THSD7A: variants seen among roughly 807,000 people sequenced by gnomAD.
The protein encoded by THSD7A is thrombospondin type-1 domain-containing protein 7A.
A neutral mutation model predicts 231.3 loss-of-function variants in THSD7A; 96 were observed. That is an observed-to-expected ratio of 0.41 (90% CI 0.35 to 0.49). The LOEUF is 0.49. Among genes scored for constraint, THSD7A ranks in the 20% least tolerant of loss-of-function variants. The pLI, the probability that THSD7A is intolerant of heterozygous loss-of-function variation, is 0.05. For synonymous variants in THSD7A, 940 were observed against 743.3 expected, an observed-to-expected ratio of 1.26 and a Z score of -4.30; for missense variants, 2,290 against 2,070.2, an observed-to-expected ratio of 1.11 and a Z score of -2.06.
At chr7:11,600,037 G>A (rs1166728500) in intron 2 of THSD7A, among the ~76,000 whole-genome samples, 5 of 151,894 alleles carry the variant, frequency 3.3e-5, no homozygotes, top group South Asian at 2.1e-4. Context: ...TTTGGGACTC[G>A]GACTGGCTCT....
intron 6 of THSD7A, among the ~76,000 whole-genome samples, chr7:11,504,060 A>C (rs964474538): frequency 1.3e-5 from 2 of 152,232 alleles, no homozygotes; most frequent in Admixed American, 1.3e-4. Context: ...GAATCAACAT[A>C]AATTCCCATC....
At chr7:11,533,356 G>C (rs1788782708) in intron 6 of THSD7A, among the ~76,000 whole-genome samples, 1 of 151,996 alleles carries the variant, frequency 6.6e-6, no homozygotes, top group African/African-American at 2.4e-5. Context: ...AGAAAACAGT[G>C]GACTAGGAAA....
chr7:11,392,425 C>A (rs1047062402), intron 23 of THSD7A, among the ~76,000 whole-genome samples: 2 of 152,184 alleles, frequency 1.3e-5, no homozygotes, highest in African/African-American at 4.8e-5. Flanking sequence ...ACCACCAGGG[C>A]CTTGGGTTTC....
chr7:11,554,468 G>A (rs1045732308), intron 4 of THSD7A, among the ~76,000 whole-genome samples: 2 of 152,004 alleles, frequency 1.3e-5, no homozygotes, highest in African/African-American at 2.4e-5. Flanking sequence ...TTATTAAGAT[G>A]AGGATGTTCT....
chr7:11,379,378 TG>T, intron 25 of THSD7A, 98 bp from the exon 26 acceptor site: 2 of 1,198,286 alleles, frequency 1.7e-6, no homozygotes, highest in Middle Eastern at 2.0e-4. Flanking sequence ...AGGTTTGTTT[TG>T]GGAATTACTA....
intron 22 of THSD7A, among the ~76,000 whole-genome samples, chr7:11,402,288 T>C (rs1783433140): frequency 6.6e-6 from 1 of 152,220 alleles, no homozygotes; most frequent in Non-Finnish European, 1.5e-5. Flanking sequence ...CCTACTATCA[T>C]TCTTGTCATT....
chr7:11,689,811 T>TAA (rs35668623), intron 1 of THSD7A, among the ~76,000 whole-genome samples: 21,243 of 129,300 alleles, frequency 0.16, 1,801 homozygotes, highest in Admixed American at 0.21. Context: ...TGGAATTAGT[T>TAA]AAAAAAAAAA....
chr7:11,641,462 TAAAGTTTGCTTAGATAACTAAGAA>T (rs1782078048), intron 1 of THSD7A, among the ~76,000 whole-genome samples: 1 of 152,174 alleles, frequency 6.6e-6, no homozygotes, highest in Non-Finnish European at 1.5e-5. Flanking sequence ...CAAGAGTTTC[TAAAGTTTGCTTAGATAACTAAGAA>T]AAGCATATGT....
At chr7:11,675,030 G>T (rs990265300) in intron 1 of THSD7A, among the ~76,000 whole-genome samples, 2 of 152,184 alleles carry the variant, frequency 1.3e-5, no homozygotes, top group South Asian at 4.1e-4. Context: ...AGACCAACAC[G>T]GAAGGTGGGT....
rs991504591 is a variant in THSD7A at position 11,831,901 on chromosome 7, C to T, written c.46G>A (p.Ala16Thr). 6 of 1,239,996 alleles carry T rather than the reference C, an allele frequency of 4.8e-6. No individual in the cohort carries two copies. Among genetic ancestry groups the T allele is most frequent in the African/African-American group, 1.6e-5 (1 of 64,078 alleles). The allele number at this position is 1,239,996 out of a possible 1,614,324, so 76.8% of individuals were successfully genotyped here. ...TGCAGGACGCCCCGGCGCGGCCCCG[C>T]AGCGCCCCGGCTCCCGGACGCCCAG... ...RRWASGSRGA[A>T]GPRRGVLQLL... The change falls in exon 1 of 28, where the codon GCG (alanine) becomes ACG (threonine). Residue 16 changes from alanine (A) to threonine (T), a missense_variant. By Grantham distance (58) the Ala-to-Thr change is moderately conservative (BLOSUM62 0). Transcript: ENST00000423059. The surrounding 1 kb of genome is among the most constrained non-coding windows in gnomAD (Gnocchi z 5.0).
chr7:11,570,379 A>G (rs1028058590), intron 4 of THSD7A, among the ~76,000 whole-genome samples: 5 of 152,078 alleles, frequency 3.3e-5, no homozygotes, highest in Admixed American at 2.0e-4. Context: ...TGAGAAGAGG[A>G]TGGTTAATGG....
chr7:11,416,001 C>T (rs578124448), intron 17 of THSD7A, among the ~76,000 whole-genome samples: 4 of 152,114 alleles, frequency 2.6e-5, no homozygotes, highest in Admixed American at 2.0e-4. Context: ...CGAGGCTGCC[C>T]GATTCTTGAA....
In THSD7A at chr7:11,621,720, A is replaced by G. The variant is rs988936690; in HGVS notation, c.1022+14410T>C. On this transcript the variant is annotated intron_variant, in intron 2 of 27. Transcript: ENST00000423059. ...TGTCTTACTAGTTAGGATATAAATT[A>G]TTAATAATTAAGGATAAAAATAATT... Among the ~76,000 whole-genome samples the G allele has an allele frequency of 2.6e-5, 4 of 152,142 alleles. No homozygotes were observed. In the East Asian group the frequency reaches 5.8e-4, roughly 22 times the overall value.
At chr7:11,573,620 T>G (rs1323156081) in intron 4 of THSD7A, among the ~76,000 whole-genome samples, 1 of 152,230 alleles carries the variant, frequency 6.6e-6, no homozygotes, top group African/African-American at 2.4e-5. Flanking sequence ...TTCCATTTAT[T>G]CTCTTATGGA....
intron 1 of THSD7A, among the ~76,000 whole-genome samples, chr7:11,714,205 A>T (rs1480430016): frequency 6.6e-6 from 1 of 151,242 alleles, no homozygotes; most frequent in Non-Finnish European, 1.5e-5. Context: ...AGTATAATAA[A>T]TTAATTATAA....
rs190658105 is a variant in THSD7A, at chr7:11,779,970, T to C, written c.190+51787A>G. ...TTTCTGTGTCTGTCTAAATTAAGGC[T>C]GCTATAACAAATTGCCATCGATTGA... On this transcript the variant is annotated intron_variant, in intron 1 of 27. Transcript: ENST00000423059. Among the ~76,000 whole-genome samples, 12 of 152,330 alleles carry C rather than the reference T, an allele frequency of 7.9e-5. No homozygotes were observed. In the East Asian group the frequency reaches 2.3e-3, roughly 29 times the overall value.
chr7:11,531,346 T>C (rs978337648), intron 6 of THSD7A, among the ~76,000 whole-genome samples: 7 of 152,168 alleles, frequency 4.6e-5, no homozygotes, highest in Non-Finnish European at 1.0e-4. Flanking sequence ...TTTAAAAACA[T>C]GTCGGTTCTG....
At chr7:11,400,667 A>G (rs1257333620) in intron 23 of THSD7A, among the ~76,000 whole-genome samples, 1 of 152,230 alleles carries the variant, frequency 6.6e-6, no homozygotes, top group African/African-American at 2.4e-5. Context: ...TGATAAATTT[A>G]GGAAGATCAA....
chr7:11,590,564 T>G lies in THSD7A; in HGVS notation c.1349A>C (p.Asn450Thr), dbSNP rs761007765. The change falls in exon 4 of 28, where the codon AAC becomes ACC. Residue 450 changes from asparagine to threonine, a missense_variant. Asn to Thr is a moderately conservative substitution (Grantham distance 65). Coordinates refer to ENST00000423059, the MANE Select transcript of THSD7A (RefSeq NM_015204.3). This position sits in a 1 kb window ranked among gnomAD's most constrained non-coding sequence, Gnocchi z 4.4. ...GCCCCCTCCACAGAGGGCCGTCTGG[T>G]TGCCGCGCCTCTTGTCCTGCTGACT... ...LLSQQDKRRG[N>T]QTALCGGGIQ... 3 of 1,613,922 alleles carry G rather than the reference T, an allele frequency of 1.9e-6. No individual in the cohort carries two copies. The East Asian group carries it at 6.7e-5, about 36-fold the overall frequency.
Sources: gnomAD v4.1 joint callset for allele counts (sites outside exome capture counted in the v4.1 genomes callset) on GRCh38, gnomAD v4.1.1 for gene constraint, Gnocchi (gnomAD v3.1) non-coding constraint, MANE v1.5 for transcripts, NCBI Gene and HGNC (gene_info 2026-07-23, HGNC 2026-07-21) for gene names.